Variants in SLC26A7 observed in about 807,000 individuals in gnomAD.
SLC26A7 encodes anion exchange transporter.
Under a neutral mutation model 82.5 loss-of-function variants are expected in SLC26A7, and 59 were observed. That is an observed-to-expected ratio of 0.72 (90% CI 0.58 to 0.89). The LOEUF is 0.89. Among genes scored for constraint, SLC26A7 ranks in the 40% least tolerant of loss-of-function variants. SLC26A7 has a pLI of 0.00. For missense variants in SLC26A7, 820 were observed against 793.0 expected (o/e 1.03, Z -0.41); for synonymous variants, 271 against 274.3 (o/e 0.99, Z 0.12).
chr8:91,284,221 G>A (rs1433006461), intron 2 of SLC26A7, among the ~76,000 whole-genome samples: 1 of 152,098 alleles, frequency 6.6e-6, no homozygotes, highest in Non-Finnish European at 1.5e-5. Flanking sequence ...CACAAATAAG[G>A]TGGGTTAGAT....
At chr8:91,309,867 A>T (rs1300787890) in intron 4 of SLC26A7, among the ~76,000 whole-genome samples, 2 of 152,022 alleles carry the variant, frequency 1.3e-5, no homozygotes, top group Non-Finnish European at 2.9e-5. Context: ...GGAGGGGAGC[A>T]TGTATAGTGT....
intron 14 of SLC26A7, among the ~76,000 whole-genome samples, chr8:91,368,944 C>A (rs947678367): frequency 2.0e-5 from 3 of 152,224 alleles, no homozygotes; most frequent in African/African-American, 7.2e-5. Flanking sequence ...AAAATACATA[C>A]GCTGTAGCAC....
intron 2 of SLC26A7, among the ~76,000 whole-genome samples, chr8:91,230,063 T>G (rs1810291598): frequency 6.6e-6 from 1 of 152,236 alleles, no homozygotes; most frequent in Admixed American, 6.5e-5. Context: ...CAATATGTAT[T>G]CTTTTCTGCA....
At position 91,234,827 on chromosome 8, in the gene SLC26A7, A is replaced by ACCTACCTACCTACTTC. The variant is rs1386380375; in HGVS notation, c.-33-14791_-33-14790insCTACCTACCTACTTCC. ...TACCTACCTACCTACCTACCTACCT[A>ACCTACCTACCTACTTC]CTTCCTTCCTTCCTTCCTTCCTTCC... On this transcript the variant is annotated intron_variant, in intron 2 of 5. Transcript: ENST00000522862. Among the ~76,000 whole-genome samples, 9 of 92,544 alleles carry ACCTACCTACCTACTTC rather than the reference A, an allele frequency of 9.7e-5. No homozygotes were observed. The South Asian group carries it at 1.2e-3, about 13-fold the overall frequency. The allele number at this position is 92,544 out of a possible 152,430, so 60.7% of individuals were successfully genotyped here. A position where few individuals can be genotyped will look rare whatever the true frequency, so the allele number is the denominator to read the frequency against.
At chr8:91,264,842 C>T (rs1811066492) in intron 2 of SLC26A7, among the ~76,000 whole-genome samples, 1 of 151,926 alleles carries the variant, frequency 6.6e-6, no homozygotes, top group Admixed American at 6.6e-5. Flanking sequence ...ATGATCAAAT[C>T]AAGGTAGTTA....
At chr8:91,270,650 A>G (rs530633391) in intron 2 of SLC26A7, among the ~76,000 whole-genome samples, 1 of 152,310 alleles carries the variant, frequency 6.6e-6, no homozygotes, top group East Asian at 1.9e-4. Context: ...ACCAAGTGAA[A>G]TAGGTAAGCT....
intron 2 of SLC26A7, among the ~76,000 whole-genome samples, chr8:91,287,824 A>G (rs1307897775): frequency 6.6e-6 from 1 of 152,202 alleles, no homozygotes; most frequent in Non-Finnish European, 1.5e-5. Context: ...TTAGCCTGCC[A>G]ATACTAATGA....
At chr8:91,269,117 T>C (rs1811196757) in intron 2 of SLC26A7, among the ~76,000 whole-genome samples, 2 of 152,076 alleles carry the variant, frequency 1.3e-5, no homozygotes, top group African/African-American at 2.4e-5. Context: ...ATATAAGTGG[T>C]TTATACACCA....
Position 91,395,158 on chromosome 8 carries a change from G to C in SLC26A7, c.*61G>C. 6.2e-7 allele frequency: 1 copy of C among 1,606,532 alleles called. No individual in the cohort carries two copies. The highest frequency in any genetic ancestry group is 8.5e-7 in the Non-Finnish European group (1 of 1,176,960). ...AACTGCCTGAAGAGGCCATATGCTG[G>C]CATTTTGCACAACTTTTTGGTTGTT... On this transcript the variant is annotated 3_prime_UTR_variant, in exon 19 of 19. Coordinates refer to ENST00000276609, the MANE Select transcript of SLC26A7 (RefSeq NM_052832.4).
At chr8:91,227,615 A>G (rs1023860191) in intron 2 of SLC26A7, among the ~76,000 whole-genome samples, 3 of 152,210 alleles carry the variant, frequency 2.0e-5, no homozygotes, top group Non-Finnish European at 4.4e-5. Context: ...TTCAGTGGAT[A>G]AAGAGTTGCT....
intron 7 of SLC26A7, among the ~76,000 whole-genome samples, chr8:91,338,924 A>G (rs1316800708): frequency 6.6e-6 from 1 of 152,296 alleles, no homozygotes; most frequent in East Asian, 1.9e-4. Flanking sequence ...GTTGAATCCT[A>G]TAAATTTTTA....
intron 5 of SLC26A7, among the ~76,000 whole-genome samples, chr8:91,330,223 G>A (rs553435540): frequency 6.6e-6 from 1 of 152,152 alleles, no homozygotes; most frequent in Non-Finnish European, 1.5e-5. Flanking sequence ...ACCCAGTGAG[G>A]CTCCACTTAA....
In SLC26A7 at chr8:91,340,548, C is replaced by T. The variant is rs1454529261; in HGVS notation, c.1023C>T (p.Asn341=). 6.2e-7 allele frequency: 1 copy of T among 1,613,778 alleles called. No individual in the cohort carries two copies. Among genetic ancestry groups the T allele is most frequent in the Non-Finnish European group, 8.5e-7 (1 of 1,179,858 alleles). ...AKKFKYSIDD[N]QEFLAHGLSN... is the part of the protein sequence containing the mutation. ...AATTCAAATATTCAATTGATGACAA[C>T]CAGGTGGAGTGTGCCCCCAGTCCCT... The change falls in exon 8 of 19, where the codon AAC becomes AAT. Residue 341 remains asparagine (N), a synonymous_variant. Coordinates refer to ENST00000276609, the MANE Select transcript of SLC26A7 (RefSeq NM_052832.4).
intron 2 of SLC26A7, among the ~76,000 whole-genome samples, chr8:91,277,732 T>A (rs1046693794): frequency 3.3e-5 from 5 of 152,252 alleles, no homozygotes; most frequent in Non-Finnish European, 7.3e-5. Context: ...AGAATTTTAA[T>A]GGAGGCTTTT....
chr8:91,291,851 C>T lies in SLC26A7; in HGVS notation c.304+2605C>T, dbSNP rs560115943. Among the ~76,000 whole-genome samples the T allele has an allele frequency of 3.9e-5, 6 of 152,232 alleles. No individual in the cohort carries two copies. The East Asian group carries it at 5.8e-4, about 15-fold the overall frequency. On this transcript the variant is annotated intron_variant, in intron 3 of 18. Coordinates refer to ENST00000276609, the MANE Select transcript of SLC26A7 (RefSeq NM_052832.4). Reference sequence around the variant, plus strand: ...AACTGTAGTCATTCAACATTAAAGCCGGAGACTAATTCTGATTTCCCTTCT... The same window carrying T: ...AACTGTAGTCATTCAACATTAAAGCTGGAGACTAATTCTGATTTCCCTTCT...
chr8:91,395,324 T>C lies in SLC26A7; in HGVS notation c.*227T>C. ...TAGTTATTTTATGTAAAAATCAGTA[T>C]GTGTTTAGTTTTAGTGTACTGAAGG... On this transcript the variant is annotated 3_prime_UTR_variant, in exon 19 of 19. Coordinates refer to ENST00000276609, the MANE Select transcript of SLC26A7 (RefSeq NM_052832.4). 1.7e-6 allele frequency: 2 copies of C among 1,170,574 alleles called. No individual in the cohort carries two copies. The highest frequency in any genetic ancestry group is 1.1e-6 in the Non-Finnish European group (1 of 897,644). The allele number at this position is 1,170,574 out of a possible 1,614,324, so 72.5% of individuals were successfully genotyped here.
chr8:91,264,130 G>A (rs1033567946), intron 2 of SLC26A7, among the ~76,000 whole-genome samples: 1 of 152,068 alleles, frequency 6.6e-6, no homozygotes, highest in African/African-American at 2.4e-5. Context: ...AGTGCCAGAT[G>A]CATTGGGCTT....
chr8:91,216,898 C>T (rs1300043179), intron 1 of SLC26A7, among the ~76,000 whole-genome samples: 1 of 152,076 alleles, frequency 6.6e-6, no homozygotes, highest in Admixed American at 6.6e-5. Flanking sequence ...ATACAATGTG[C>T]ACATTCTTGA....
At chr8:91,321,178 A>G (rs1477060351) in intron 5 of SLC26A7, among the ~76,000 whole-genome samples, 1 of 152,202 alleles carries the variant, frequency 6.6e-6, no homozygotes. Context: ...TGAACAGCTA[A>G]TATTTCCATC....
Sources: gnomAD v4.1 joint callset for allele counts (sites outside exome capture counted in the v4.1 genomes callset) on GRCh38, gnomAD v4.1.1 for gene constraint, MANE v1.5 for transcripts, NCBI Gene and HGNC (gene_info 2026-07-23, HGNC 2026-07-21) for gene names.